CACNB2: variants seen among roughly 807,000 people sequenced by gnomAD.
CACNB2 encodes the protein calcium voltage-gated channel auxiliary subunit beta 2.
In CACNB2, 42 loss-of-function variants were observed where a neutral mutation model predicts 73.3. That is an observed-to-expected ratio of 0.57 (90% CI 0.45 to 0.74). The LOEUF (loss-of-function observed/expected upper bound fraction) is 0.74. CACNB2 is among the 30% of genes least tolerant of loss of function. CACNB2 has a pLI of 0.00. For missense variants in CACNB2, 940 were observed against 853.0 expected (o/e 1.10, Z -1.27); for synonymous variants, 348 against 310.3 (o/e 1.12, Z -1.28).
intron 2 of CACNB2, among the ~76,000 whole-genome samples, chr10:18,329,423 C>T (rs146788489): frequency 6.7e-6 from 1 of 148,842 alleles, no homozygotes; most frequent in East Asian, 2.0e-4. Flanking sequence ...TGAATCCTGC[C>T]GATAATGTTT....
chr10:18,182,712 C>G (rs2033952004), intron 2 of CACNB2, among the ~76,000 whole-genome samples: 1 of 151,374 alleles, frequency 6.6e-6, no homozygotes, highest in African/African-American at 2.4e-5. Flanking sequence ...ATCCCTGCTA[C>G]TCGGGAGGCT....
In CACNB2 at chr10:18,307,983, C is replaced by CATTTTTTT. The variant is rs1356604464; in HGVS notation, c.214-93941_214-93940insATTTTTTT. ...TTAAGTCTAAAATAATATATGCCAA[C>CATTTTTTT]TTTTTTTTTTTTTTTTTTTTTTTTT... On this transcript the variant is annotated intron_variant, in intron 2 of 13. Coordinates refer to ENST00000324631, the MANE Select transcript of CACNB2 (RefSeq NM_201596.3). 6.2e-3 allele frequency among the ~76,000 whole-genome samples: 438 copies of CATTTTTTT among 70,224 alleles called. 42 individuals carry two copies. The highest frequency in any genetic ancestry group is 0.023 in the African/African-American group (385 of 16,744). 46.1% of individuals were successfully genotyped at this position (70,224 alleles called of 152,430 possible). A position where few individuals can be genotyped will look rare whatever the true frequency, so the allele number is the denominator to read the frequency against.
chr10:18,432,110 A>G (rs2045917510), intron 3 of CACNB2, among the ~76,000 whole-genome samples: 1 of 152,204 alleles, frequency 6.6e-6, no homozygotes, highest in African/African-American at 2.4e-5. Flanking sequence ...AATTTTAGAA[A>G]TAGAGATGGT....
chr10:18,377,836 T>A (rs1034946741), intron 2 of CACNB2, among the ~76,000 whole-genome samples: 10 of 152,182 alleles, frequency 6.6e-5, no homozygotes, highest in Non-Finnish European at 1.3e-4. Context: ...TTTATTAAGG[T>A]TTCTGAAAAT....
intron 2 of CACNB2, among the ~76,000 whole-genome samples, chr10:18,399,759 A>T (rs2043897331): frequency 6.6e-6 from 1 of 152,250 alleles, no homozygotes; most frequent in African/African-American, 2.4e-5. Flanking sequence ...CCACACTCAA[A>T]CAAATGCAGT....
At chr10:18,382,268 T>G (rs1371368349) in intron 2 of CACNB2, among the ~76,000 whole-genome samples, 2 of 152,046 alleles carry the variant, frequency 1.3e-5, no homozygotes, top group Admixed American at 6.6e-5. Flanking sequence ...GTCTCATAAC[T>G]CTGTGAATGT....
At chr10:18,160,080 G>A (rs964442713) in intron 2 of CACNB2, among the ~76,000 whole-genome samples, 2 of 151,932 alleles carry the variant, frequency 1.3e-5, no homozygotes, top group South Asian at 2.1e-4. Flanking sequence ...TTTCTTTTTA[G>A]GAGATATAGG....
intron 3 of CACNB2, among the ~76,000 whole-genome samples, chr10:18,436,232 TC>T (rs1794523187): frequency 6.6e-6 from 1 of 152,228 alleles, no homozygotes. Context: ...TAAGAGTTTT[TC>T]CCCTCTTTGG....
chr10:18,258,159 G>T, intron 2 of CACNB2, among the ~76,000 whole-genome samples: 1 of 152,170 alleles, frequency 6.6e-6, no homozygotes, highest in African/African-American at 2.4e-5. Context: ...AATGTTTGCC[G>T]AATCAAATTA....
chr10:18,149,063 C>T (rs2031271602), intron 1 of CACNB2, among the ~76,000 whole-genome samples: 1 of 150,974 alleles, frequency 6.6e-6, no homozygotes, highest in African/African-American at 2.4e-5. Context: ...AAAGATAATT[C>T]ATGTTCCTCA....
intron 3 of CACNB2, among the ~76,000 whole-genome samples, chr10:18,438,533 C>G (rs1466004748): frequency 6.6e-6 from 1 of 152,186 alleles, no homozygotes; most frequent in Non-Finnish European, 1.5e-5. Context: ...TCCCTCACCA[C>G]CTGTGCTCTG....
chr10:18,534,918 C>T (rs950408260), intron 11 of CACNB2, among the ~76,000 whole-genome samples: 1 of 152,102 alleles, frequency 6.6e-6, no homozygotes, highest in Non-Finnish European at 1.5e-5. Flanking sequence ...ACAAAATAAG[C>T]CTGTCACTTA....
intron 2 of CACNB2, among the ~76,000 whole-genome samples, chr10:18,218,355 CT>C (rs2035594726): frequency 6.6e-6 from 1 of 152,192 alleles, no homozygotes; most frequent in Non-Finnish European, 1.5e-5. Context: ...ATTGCCATCA[CT>C]GAATTCCATA....
intron 2 of CACNB2, 143 bp from the exon 3 acceptor site, chr10:18,401,781 A>C (rs1676275031): frequency 1.3e-6 from 1 of 781,176 alleles, no homozygotes; most frequent in African/African-American, 1.7e-5. Flanking sequence ...TTTTCTAGAT[A>C]GGTTGCTGCA....
intron 3 of CACNB2, among the ~76,000 whole-genome samples, chr10:18,479,683 G>A (rs1223963804): frequency 1.6e-5 from 2 of 126,784 alleles, no homozygotes; most frequent in African/African-American, 2.8e-5. Flanking sequence ...TTAAAAGTGC[G>A]TGTGTCTCTC....
At chr10:18,276,343 C>T (rs998434824) in intron 2 of CACNB2, among the ~76,000 whole-genome samples, 3 of 152,188 alleles carry the variant, frequency 2.0e-5, no homozygotes, top group African/African-American at 7.2e-5. Flanking sequence ...CAGTCACTGC[C>T]AAATGGCAGT....
At chr10:18,180,151 A>C (rs1442763528) in intron 2 of CACNB2, among the ~76,000 whole-genome samples, 1 of 152,136 alleles carries the variant, frequency 6.6e-6, no homozygotes, top group Non-Finnish European at 1.5e-5. Flanking sequence ...TACTAGCCTC[A>C]TTTGCCTTTT....
chr10:18,535,122 A>G (rs974013123), intron 11 of CACNB2, among the ~76,000 whole-genome samples: 1 of 152,260 alleles, frequency 6.6e-6, no homozygotes, highest in Non-Finnish European at 1.5e-5. Flanking sequence ...GAAGATCTGA[A>G]GTCAGTGAAC....
At chr10:18,303,697 G>A (rs1282743750) in intron 2 of CACNB2, among the ~76,000 whole-genome samples, 1 of 152,132 alleles carries the variant, frequency 6.6e-6, no homozygotes, top group Non-Finnish European at 1.5e-5. Context: ...AAAATACTGA[G>A]AGGCAACACC....
Sources: allele counts gnomAD v4.1 joint callset (sites outside exome capture counted in the v4.1 genomes callset), GRCh38; gene constraint gnomAD v4.1.1; transcripts MANE v1.5; gene names NCBI Gene and HGNC (gene_info 2026-07-23, HGNC 2026-07-21).